The following PRKCE variants were observed in gnomAD, a reference collection of about 807,000 sequenced individuals.
PRKCE encodes protein kinase C epsilon, also known as protein kinase C epsilon type.
Under a neutral mutation model 85.4 loss-of-function variants are expected in PRKCE, and 16 were observed. That is an observed-to-expected ratio of 0.19 (90% CI 0.13 to 0.28). The LOEUF is 0.28. Among genes scored for constraint, PRKCE ranks in the 10% least tolerant of loss-of-function variants. The pLI is 1.00. For missense variants in PRKCE, 573 were observed against 975.2 expected (o/e 0.59, Z 5.49); for synonymous variants, 388 against 371.5 (o/e 1.04, Z -0.51).
intron 6 of PRKCE, among the ~76,000 whole-genome samples, chr2:45,990,364 GTTTTCTGTTCA>G (rs1390720567): frequency 6.6e-6 from 1 of 152,160 alleles, no homozygotes; most frequent in African/African-American, 2.4e-5. Context: ...CGCTTTTGAT[GTTTTCTGTTCA>G]TTAGAAGAGA....
At chr2:45,985,505 G>A (rs975397157) in intron 6 of PRKCE, among the ~76,000 whole-genome samples, 1 of 152,170 alleles carries the variant, frequency 6.6e-6, no homozygotes. Context: ...TTTACTGTTT[G>A]TGTGGAATGT....
chr2:45,923,594 T>G (rs1698410542), intron 2 of PRKCE, among the ~76,000 whole-genome samples: 1 of 152,214 alleles, frequency 6.6e-6, no homozygotes, highest in Non-Finnish European at 1.5e-5. Flanking sequence ...CTCAGCCCTG[T>G]CTTAGGTGCT....
chr2:45,672,392 A>G (rs750300741), intron 1 of PRKCE, among the ~76,000 whole-genome samples: 10 of 151,974 alleles, frequency 6.6e-5, no homozygotes, highest in Admixed American at 3.9e-4. Flanking sequence ...CCATCCATCC[A>G]TCCATCTATG....
At chr2:46,055,288 C>G (rs927472696) in intron 10 of PRKCE, among the ~76,000 whole-genome samples, 1 of 152,236 alleles carries the variant, frequency 6.6e-6, no homozygotes, top group Non-Finnish European at 1.5e-5. Context: ...AAAGTGCTCG[C>G]CCTGGCTCCT....
intron 1 of PRKCE, among the ~76,000 whole-genome samples, chr2:45,802,099 A>C (rs12464671): frequency 0.2 from 29,583 of 150,420 alleles, 3,401 homozygotes; most frequent in South Asian, 0.32. Flanking sequence ...AAAAAAAAAA[A>C]AAAACACCCA....
intron 1 of PRKCE, among the ~76,000 whole-genome samples, chr2:45,672,899 A>C (rs1469681790): frequency 6.6e-6 from 1 of 152,224 alleles, no homozygotes; most frequent in South Asian, 2.1e-4. Flanking sequence ...GGTGGCATGC[A>C]TTTGTAGTCT....
At chr2:46,132,486 A>T (rs1390278099) in intron 11 of PRKCE, among the ~76,000 whole-genome samples, 1 of 152,178 alleles carries the variant, frequency 6.6e-6, no homozygotes. Context: ...TGTCCATCAC[A>T]TGGAGAAATG....
chr2:46,142,704 A>G (rs1300902402), intron 11 of PRKCE, among the ~76,000 whole-genome samples: 4 of 152,226 alleles, frequency 2.6e-5, no homozygotes, highest in Non-Finnish European at 5.9e-5. Context: ...ATCTGGGGCC[A>G]GTGCAGGGGC....
intron 1 of PRKCE, among the ~76,000 whole-genome samples, chr2:45,792,836 T>G (rs1039503842): frequency 1.3e-5 from 2 of 152,358 alleles, no homozygotes; most frequent in Middle Eastern, 6.8e-3. Context: ...TCTTGCTCCA[T>G]CACCCAGGCT....
intron 1 of PRKCE, among the ~76,000 whole-genome samples, chr2:45,776,894 C>T (rs1286282048): frequency 1.1e-4 from 16 of 152,194 alleles, no homozygotes; most frequent in Admixed American, 1.0e-3. Context: ...ATCTGTGTAT[C>T]TTCTCTCAAG....
chr2:45,755,009 G>T (rs1398517938), intron 1 of PRKCE, among the ~76,000 whole-genome samples: 1 of 152,218 alleles, frequency 6.6e-6, no homozygotes, highest in Non-Finnish European at 1.5e-5. Flanking sequence ...GATACTGCAA[G>T]TAATGTAGCC....
chr2:45,930,454 G>A (rs912630928), intron 2 of PRKCE, among the ~76,000 whole-genome samples: 2 of 152,194 alleles, frequency 1.3e-5, no homozygotes, highest in Middle Eastern at 3.2e-3. Context: ...CATAAGGCAT[G>A]TCTCCAGAAT....
intron 1 of PRKCE, among the ~76,000 whole-genome samples, chr2:45,660,572 C>T (rs1052005417): frequency 5.3e-5 from 8 of 152,136 alleles, no homozygotes; most frequent in African/African-American, 1.2e-4. Context: ...CAACAAGAAA[C>T]GAAATTTCAA....
chr2:45,922,203 A>G (rs574597398), intron 2 of PRKCE, among the ~76,000 whole-genome samples: 1 of 152,216 alleles, frequency 6.6e-6, no homozygotes, highest in Non-Finnish European at 1.5e-5. Flanking sequence ...GTTTGAGGTT[A>G]TCTCTGACAC....
intron 10 of PRKCE, among the ~76,000 whole-genome samples, chr2:46,055,168 G>T (rs1351463559): frequency 1.3e-5 from 2 of 152,234 alleles, no homozygotes; most frequent in Non-Finnish European, 2.9e-5. Context: ...ACCATGGATG[G>T]CAAAACTAAA....
At chr2:45,673,624 T>G (rs753923590) in intron 1 of PRKCE, among the ~76,000 whole-genome samples, 30 of 152,302 alleles carry the variant, frequency 2.0e-4, no homozygotes, top group Admixed American at 3.3e-4. Flanking sequence ...ATGTTAATAT[T>G]TTTATCATAA....
intron 1 of PRKCE, among the ~76,000 whole-genome samples, chr2:45,773,307 G>T (rs1319575138): frequency 6.6e-6 from 1 of 152,150 alleles, no homozygotes; most frequent in Non-Finnish European, 1.5e-5. Context: ...GCTTGTTTCT[G>T]GCCAGCTGTG....
rs566726475 is a variant in PRKCE at position 45,905,386 on chromosome 2, A to G, written c.412+62323A>G. On this transcript the variant is annotated intron_variant, in intron 2 of 14. Transcript: ENST00000306156. This position sits in a 1 kb window ranked among gnomAD's most constrained non-coding sequence, Gnocchi z 4.4. ...AATATCCAGCTTCTAAACATTATAC[A>G]TATTGATGAGCTGATTGCTAGGAGA... Among the ~76,000 whole-genome samples, 23 of 152,340 alleles carry G rather than the reference A, an allele frequency of 1.5e-4. 1 individual carries two copies. Among genetic ancestry groups the G allele is most frequent in the African/African-American group, 5.3e-4 (22 of 41,576 alleles).
intron 1 of PRKCE, among the ~76,000 whole-genome samples, chr2:45,745,974 T>C (rs936661284): frequency 1.3e-5 from 2 of 152,184 alleles, no homozygotes; most frequent in Non-Finnish European, 2.9e-5. Flanking sequence ...ATGTTTTTTC[T>C]TTTTTTGTAA....
Sources: allele counts gnomAD v4.1 joint callset (sites outside exome capture counted in the v4.1 genomes callset), GRCh38; gene constraint gnomAD v4.1.1; non-coding constraint Gnocchi (gnomAD v3.1); transcripts MANE v1.5; gene names NCBI Gene and HGNC (gene_info 2026-07-23, HGNC 2026-07-21).